PCM1: variants seen among roughly 807,000 people sequenced by gnomAD.
PCM1 encodes the protein pericentriolar material 1, also known as pericentriolar material 1 protein.
Under a neutral mutation model 241.9 loss-of-function variants are expected in PCM1, and 157 were observed. The ratio of observed to expected loss-of-function variants is 0.65; its 90% CI spans 0.57 to 0.74. The LOEUF (loss-of-function observed/expected upper bound fraction) is 0.74, where lower values mean the gene tolerates loss of function less well. Ranked by LOEUF, PCM1 falls within the 30% of genes least tolerant of loss-of-function variation. The pLI, the probability that PCM1 is intolerant of heterozygous loss-of-function variation, is 0.00. For missense variants in PCM1, 3,478 were observed against 2,360.1 expected (o/e 1.47, Z -9.81); for synonymous variants, 1,085 against 784.9 (o/e 1.38, Z -6.39).
chr8:17,944,170 C>T (rs375159731), intron 6 of PCM1, among the ~76,000 whole-genome samples: 3 of 152,216 alleles, frequency 2.0e-5, no homozygotes, highest in African/African-American at 4.8e-5. Flanking sequence ...CTAGTTATTT[C>T]GTGTGAGATT....
Position 17,947,137 on chromosome 8 carries a change from A to G in PCM1, c.784-49A>G, listed in dbSNP as rs547481269. The stretch of plus-strand genomic sequence containing the variant: ...TTTGCCATTGATAATTGAAACCGCA[A>G]CATGGATTTTAATAGTCAGATACAA... On this transcript the variant is annotated intron_variant, in intron 6 of 38. Coordinates refer to ENST00000325083, the MANE Select transcript of PCM1 (RefSeq NM_006197.4). 3.0e-5 allele frequency: 36 copies of G among 1,219,914 alleles called. No homozygotes were observed. The African/African-American group carries it at 5.0e-4, about 17-fold the overall frequency. 75.6% of individuals were successfully genotyped at this position (1,219,914 alleles called of 1,614,324 possible).
At chr8:18,013,469 C>T (rs1357246983) in intron 34 of PCM1, among the ~76,000 whole-genome samples, 2 of 152,108 alleles carry the variant, frequency 1.3e-5, no homozygotes, top group Non-Finnish European at 2.9e-5. Context: ...AGGAGAGAAC[C>T]TACGTAGGCA....
intron 15 of PCM1, among the ~76,000 whole-genome samples, chr8:17,960,785 A>G (rs192268470): frequency 2.0e-5 from 3 of 151,808 alleles, no homozygotes; most frequent in Admixed American, 6.6e-5. Context: ...CAGCCTCCCA[A>G]AGTGCTGGGA....
At chr8:17,965,840 A>T (rs1002952019) in intron 18 of PCM1, among the ~76,000 whole-genome samples, 159 bp from the exon 19 acceptor site, 1 of 152,262 alleles carries the variant, frequency 6.6e-6, no homozygotes, top group African/African-American at 2.4e-5. Context: ...AAAGCTAAAG[A>T]TCTGGACTTC....
chr8:17,935,786 A>T (rs553431139), intron 3 of PCM1, 80 bp downstream of exon 3: 1 of 720,854 alleles, frequency 1.4e-6, no homozygotes, highest in African/African-American at 1.7e-5. Flanking sequence ...AATTTAACTC[A>T]CTGATGCTCT....
intron 24 of PCM1, among the ~76,000 whole-genome samples, chr8:17,981,113 C>T (rs1475401173): frequency 6.6e-6 from 1 of 152,150 alleles, no homozygotes; most frequent in Non-Finnish European, 1.5e-5. Context: ...GTCTGAATGC[C>T]TTCATGGAAC....
intron 27 of PCM1, among the ~76,000 whole-genome samples, chr8:17,990,290 G>T (rs1163306615): frequency 6.6e-6 from 1 of 151,918 alleles, no homozygotes; most frequent in Non-Finnish European, 1.5e-5. Flanking sequence ...TTTCCTTAAA[G>T]GAAAGGTCAT....
At chr8:18,006,082 C>G (rs550337575) in intron 29 of PCM1, 181 bp from the exon 30 acceptor site, 2 of 540,638 alleles carry the variant, frequency 3.7e-6, no homozygotes, top group African/African-American at 3.8e-5. Flanking sequence ...CCTCTCAATA[C>G]GTATGAATAA....
rs113467379 is a variant in PCM1 at position 18,020,744 on chromosome 8, T to A, written c.5842-4617T>A. ...AGTCAGGACAACCCGAAGAATTACGTGATCTAAGACTTAACCATATAGCAA... is the reference window on the plus strand; with the variant it reads ...AGTCAGGACAACCCGAAGAATTACGAGATCTAAGACTTAACCATATAGCAA... On this transcript the variant is annotated intron_variant, in intron 36 of 38. Coordinates refer to ENST00000325083, the MANE Select transcript of PCM1 (RefSeq NM_006197.4). Among the ~76,000 whole-genome samples the A allele has an allele frequency of 2.5e-3, 382 of 152,320 alleles. 3 individuals are homozygous for A. Among genetic ancestry groups the A allele is most frequent in the African/African-American group, 9.0e-3 (376 of 41,564 alleles).
chr8:17,959,606 G>C (rs1002111233), intron 13 of PCM1, among the ~76,000 whole-genome samples: 1 of 103,606 alleles, frequency 9.7e-6, no homozygotes, highest in African/African-American at 3.8e-5. Context: ...ATGTATTTCC[G>C]TATGTATTTA....
At chr8:17,968,724 G>A (rs1054104980) in intron 21 of PCM1, among the ~76,000 whole-genome samples, 1 of 128,080 alleles carries the variant, frequency 7.8e-6, no homozygotes, top group Admixed American at 7.9e-5. Flanking sequence ...ATATATGGAT[G>A]TATATATGTG....
intron 3 of PCM1, among the ~76,000 whole-genome samples, chr8:17,936,669 T>C (rs1045125617): frequency 1.3e-5 from 2 of 152,148 alleles, no homozygotes; most frequent in African/African-American, 4.8e-5. Context: ...GCAAAATAAA[T>C]AGCCTAGGGT....
At chr8:17,936,584 C>T (rs1437529709) in intron 3 of PCM1, among the ~76,000 whole-genome samples, 1 of 152,036 alleles carries the variant, frequency 6.6e-6, no homozygotes, top group Non-Finnish European at 1.5e-5. Context: ...TTACTAAATG[C>T]TAGGTACTAA....
chr8:17,963,826 T>C (rs927000252), intron 17 of PCM1, among the ~76,000 whole-genome samples: 4 of 152,340 alleles, frequency 2.6e-5, no homozygotes, highest in South Asian at 2.1e-4. Flanking sequence ...TTTTGAAATA[T>C]AGATTTGTTT....
intron 28 of PCM1, 41 bp from the exon 29 acceptor site, chr8:17,993,442 T>C (rs926808050): frequency 2.1e-6 from 3 of 1,422,056 alleles, no homozygotes; most frequent in Non-Finnish European, 2.9e-6. Context: ...GTATATATAA[T>C]AGGCTTTGTT....
At chr8:17,927,729 T>C (rs2057536228) in intron 2 of PCM1, 1 of 151,612 alleles carries the variant, frequency 6.6e-6, no homozygotes, top group South Asian at 2.1e-4. Flanking sequence ...TTTTGTATTT[T>C]TAATATAGAT....
At chr8:17,978,656 G>C (rs2079583492) in intron 23 of PCM1, among the ~76,000 whole-genome samples, 1 of 152,062 alleles carries the variant, frequency 6.6e-6, no homozygotes, top group African/African-American at 2.4e-5. Context: ...GGAGATACTA[G>C]TTTATCCTAT....
chr8:18,001,736 T>C (rs1475517140), intron 29 of PCM1, among the ~76,000 whole-genome samples: 1 of 152,194 alleles, frequency 6.6e-6, no homozygotes, highest in Non-Finnish European at 1.5e-5. Context: ...CCACAGAGAA[T>C]TGCTTCCATT....
chr8:18,027,106 T>C (rs932698084), intron 38 of PCM1, among the ~76,000 whole-genome samples: 2 of 152,202 alleles, frequency 1.3e-5, no homozygotes, highest in Non-Finnish European at 2.9e-5. Context: ...TTGCATGATA[T>C]CTCATTGTTT....
Sources: gnomAD v4.1 joint callset for allele counts (sites outside exome capture counted in the v4.1 genomes callset) on GRCh38, gnomAD v4.1.1 for gene constraint, MANE v1.5 for transcripts, NCBI Gene and HGNC (gene_info 2026-07-23, HGNC 2026-07-21) for gene names.